Variants in HS6ST3 observed in about 807,000 individuals in gnomAD.
The protein encoded by HS6ST3 is heparan sulfate 6-O-sulfotransferase 3, also known as heparan-sulfate 6-O-sulfotransferase 3.
A neutral mutation model predicts 36.7 loss-of-function variants in HS6ST3; 12 were observed. The observed-to-expected ratio is 0.33, with a 90% CI of 0.21 to 0.53. The LOEUF (loss-of-function observed/expected upper bound fraction) is 0.53. HS6ST3 is among the 20% of genes least tolerant of loss of function. HS6ST3 has a pLI of 0.95. For missense variants in HS6ST3, 584 were observed against 640.9 expected (o/e 0.91, Z 0.96); for synonymous variants, 240 against 257.5 (o/e 0.93, Z 0.65).
In HS6ST3 at chr13:96,521,000, T is replaced by G. The variant is rs150393065; in HGVS notation, c.708-311490T>G. Among the ~76,000 whole-genome samples, 92 of 152,306 alleles carry G rather than the reference T, an allele frequency of 6.0e-4. 1 individual carries two copies. In the East Asian group the frequency reaches 0.017, roughly 28 times the overall value. ...CTGTGGGTTTGTCATATATAACTCT[T>G]ATTTAAATTTTGAGATATGTTCCAT... On this transcript the variant is annotated intron_variant, in intron 1 of 1. Transcript: ENST00000376705.
intron 1 of HS6ST3, among the ~76,000 whole-genome samples, chr13:96,386,492 T>A (rs2055368617): frequency 6.6e-6 from 1 of 152,200 alleles, no homozygotes; most frequent in Non-Finnish European, 1.5e-5. Context: ...TATTGAGGAA[T>A]AATTGACAAC....
At chr13:96,574,919 C>T (rs377018408) in intron 1 of HS6ST3, among the ~76,000 whole-genome samples, 2 of 152,142 alleles carry the variant, frequency 1.3e-5, no homozygotes, top group Non-Finnish European at 2.9e-5. Flanking sequence ...GTAGTCTGGG[C>T]AATGGAGACC....
intron 1 of HS6ST3, among the ~76,000 whole-genome samples, chr13:96,777,421 A>G (rs1877414646): frequency 6.6e-6 from 1 of 152,236 alleles, no homozygotes; most frequent in South Asian, 2.1e-4. Context: ...TTGTATATGT[A>G]GAAAACTGCA....
At chr13:96,761,393 C>A (rs1471201046) in intron 1 of HS6ST3, among the ~76,000 whole-genome samples, 1 of 151,756 alleles carries the variant, frequency 6.6e-6, no homozygotes, top group Non-Finnish European at 1.5e-5. Context: ...TGAGACAGTT[C>A]TTATCTTCGT....
At chr13:96,404,166 T>G (rs1019013141) in intron 1 of HS6ST3, among the ~76,000 whole-genome samples, 1 of 152,208 alleles carries the variant, frequency 6.6e-6, no homozygotes, top group Non-Finnish European at 1.5e-5. Context: ...CCAAATCCCA[T>G]GTAGAAGACT....
chr13:96,460,245 G>A (rs2055777375), intron 1 of HS6ST3, among the ~76,000 whole-genome samples: 1 of 152,134 alleles, frequency 6.6e-6, no homozygotes, highest in Admixed American at 6.6e-5. Context: ...CCCAGAATCA[G>A]ACAGGAAAGT....
In HS6ST3 at chr13:96,567,114, C is replaced by CT. The variant is rs550591033; in HGVS notation, c.708-265370dup. ...TGTTTAGTATCACTTTCCATTTTCT[C>CT]TTTTTTCTTTTACTGCTTCTTTTAT... is the stretch of plus-strand genomic sequence containing the variant. On this transcript the variant is annotated intron_variant, in intron 1 of 1. Transcript: ENST00000376705. 4.1e-3 allele frequency among the ~76,000 whole-genome samples: 621 copies of CT among 152,114 alleles called. 3 individuals carry two copies. The highest frequency in any genetic ancestry group is 0.017 in the Middle Eastern group (5 of 294).
intron 1 of HS6ST3, among the ~76,000 whole-genome samples, chr13:96,695,094 A>AT (rs1251325695): frequency 1.3e-5 from 2 of 152,098 alleles, no homozygotes; most frequent in Non-Finnish European, 2.9e-5. Flanking sequence ...TAAAAAAATT[A>AT]TTTTTTATTT....
At chr13:96,137,760 G>A (rs2054009941) in intron 1 of HS6ST3, among the ~76,000 whole-genome samples, 1 of 152,106 alleles carries the variant, frequency 6.6e-6, no homozygotes, top group Non-Finnish European at 1.5e-5. Flanking sequence ...GACCCTACAA[G>A]GCCCATCCCT....
chr13:96,604,692 A>G (rs2056432513), intron 1 of HS6ST3, among the ~76,000 whole-genome samples: 1 of 152,206 alleles, frequency 6.6e-6, no homozygotes, highest in South Asian at 2.1e-4. Context: ...TGAATCTAAA[A>G]CAAGTTGAGC....
intron 1 of HS6ST3, among the ~76,000 whole-genome samples, chr13:96,248,932 T>G (rs1047004233): frequency 6.6e-6 from 1 of 152,198 alleles, no homozygotes; most frequent in Non-Finnish European, 1.5e-5. Flanking sequence ...TCTAGTGTAA[T>G]TGATGTGGCC....
chr13:96,118,904 G>A lies in HS6ST3; in HGVS notation c.707+27335G>A, dbSNP rs1373851861. On this transcript the variant is annotated intron_variant, in intron 1 of 1. Coordinates refer to ENST00000376705, the MANE Select transcript of HS6ST3 (RefSeq NM_153456.4). The stretch of plus-strand genomic sequence containing the variant: ...TTTTTGTATTTTTAGTAGAGACGGG[G>A]TTTCACCTTGTTAGCCAGGATGGTC... 3.6e-4 allele frequency among the ~76,000 whole-genome samples: 54 copies of A among 149,192 alleles called. 1 individual carries two copies. Among genetic ancestry groups the A allele is most frequent in the African/African-American group, 1.3e-3 (52 of 40,686 alleles).
At chr13:96,268,794 A>G (rs1178883495) in intron 1 of HS6ST3, among the ~76,000 whole-genome samples, 3 of 151,898 alleles carry the variant, frequency 2.0e-5, no homozygotes, top group Non-Finnish European at 2.9e-5. Context: ...TACATGCAAT[A>G]TAACTTGACA....
chr13:96,831,529 T>G (rs758756668), intron 1 of HS6ST3, among the ~76,000 whole-genome samples: 2 of 152,226 alleles, frequency 1.3e-5, no homozygotes, highest in Non-Finnish European at 2.9e-5. Context: ...GAGGATCATC[T>G]GTGCAAAGCA....
At chr13:96,811,216 T>C (rs1379373844) in intron 1 of HS6ST3, among the ~76,000 whole-genome samples, 3 of 152,162 alleles carry the variant, frequency 2.0e-5, no homozygotes, top group African/African-American at 7.2e-5. Context: ...CCACTTCGCA[T>C]GTTAGCTAAG....
intron 1 of HS6ST3, among the ~76,000 whole-genome samples, chr13:96,375,350 T>G (rs904146712): frequency 1.3e-5 from 2 of 152,194 alleles, no homozygotes; most frequent in Non-Finnish European, 2.9e-5. Context: ...TTGTTTTTAC[T>G]GTCTACCTTC....
intron 1 of HS6ST3, among the ~76,000 whole-genome samples, chr13:96,828,181 T>C (rs1878690265): frequency 6.6e-6 from 1 of 152,216 alleles, no homozygotes; most frequent in Non-Finnish European, 1.5e-5. Context: ...GCAGTTTCAA[T>C]AAATTTCACC....
At chr13:96,815,060 C>G (rs1194490120) in intron 1 of HS6ST3, among the ~76,000 whole-genome samples, 1 of 152,104 alleles carries the variant, frequency 6.6e-6, no homozygotes, top group African/African-American at 2.4e-5. Context: ...TTTCTTATGG[C>G]CACAGTGACA....
chr13:96,191,202 T>C (rs1356271173), intron 1 of HS6ST3, among the ~76,000 whole-genome samples: 1 of 152,164 alleles, frequency 6.6e-6, no homozygotes, highest in Non-Finnish European at 1.5e-5. Context: ...TTCTGACTGT[T>C]TTTTCTGCCT....
Sources: allele counts gnomAD v4.1 joint callset (sites outside exome capture counted in the v4.1 genomes callset), GRCh38; gene constraint gnomAD v4.1.1; transcripts MANE v1.5; gene names NCBI Gene and HGNC (gene_info 2026-07-23, HGNC 2026-07-21).